SRPK2: variants seen among roughly 807,000 people sequenced by gnomAD.
SRPK2 encodes the protein SFRS protein kinase 2.
In SRPK2, 21 loss-of-function variants were observed where a neutral mutation model predicts 90.8. That is an observed-to-expected ratio of 0.23 (90% confidence interval 0.16 to 0.33). The LOEUF is 0.33. Among genes scored for constraint, SRPK2 ranks in the 10% least tolerant of loss-of-function variants. The pLI is 1.00. For synonymous variants in SRPK2, 288 were observed against 311.1 expected (o/e 0.93, Z 0.78); for missense variants, 620 against 869.0 (o/e 0.71, Z 3.60).
At chr7:105,382,577 A>G (rs1202785011) in intron 2 of SRPK2, among the ~76,000 whole-genome samples, 1 of 148,764 alleles carries the variant, frequency 6.7e-6, no homozygotes, top group African/African-American at 2.5e-5. Context: ...AAAAAAAAAA[A>G]AGGAATGCTC....
intron 3 of SRPK2, among the ~76,000 whole-genome samples, chr7:105,181,417 C>A (rs117759171): frequency 9.4e-4 from 143 of 152,252 alleles, no homozygotes; most frequent in Non-Finnish European, 1.3e-3. Context: ...CACGCACGCA[C>A]GTGTATGTTC....
At chr7:105,278,915 C>A (rs1448610613) in intron 2 of SRPK2, among the ~76,000 whole-genome samples, 1 of 152,118 alleles carries the variant, frequency 6.6e-6, no homozygotes, top group Middle Eastern at 3.2e-3. Context: ...TATGGAAATG[C>A]ACACCAAAAA....
chr7:105,331,869 C>T (rs551772199), intron 2 of SRPK2, among the ~76,000 whole-genome samples: 3 of 152,228 alleles, frequency 2.0e-5, no homozygotes, highest in East Asian at 1.9e-4. Context: ...AGGAAGAACT[C>T]GCACCTTGGC....
chr7:105,384,802 G>C (rs1228505866), intron 2 of SRPK2, among the ~76,000 whole-genome samples: 3 of 151,958 alleles, frequency 2.0e-5, no homozygotes, highest in African/African-American at 7.2e-5. Flanking sequence ...AACGTCACCC[G>C]GTTTCCCATG....
chr7:105,153,917 A>G (rs1436810769), intron 7 of SRPK2, among the ~76,000 whole-genome samples: 1 of 152,202 alleles, frequency 6.6e-6, no homozygotes, highest in African/African-American at 2.4e-5. Context: ...GGAAACACTG[A>G]GGGTTCCACT....
chr7:105,179,306 T>C lies in SRPK2; in HGVS notation c.230-10041A>G, dbSNP rs189189353. ...TTGCCCCAGCTACCTCACTCAAAAC[T>C]ATACCTGGGTATATATTATGTGCCA... On this transcript the variant is annotated intron_variant, in intron 3 of 15. Transcript: ENST00000393651. 3.9e-5 allele frequency among the ~76,000 whole-genome samples: 6 copies of C among 152,334 alleles called. No homozygotes were observed. In the East Asian group the frequency reaches 1.2e-3, roughly 29 times the overall value.
intron 2 of SRPK2, among the ~76,000 whole-genome samples, chr7:105,382,034 G>A (rs1361947856): frequency 6.6e-6 from 1 of 152,082 alleles, no homozygotes; most frequent in Non-Finnish European, 1.5e-5. Context: ...CAGGCGTGGT[G>A]GCACATGCCT....
At chr7:105,344,914 T>C (rs565876891) in intron 2 of SRPK2, among the ~76,000 whole-genome samples, 1 of 149,820 alleles carries the variant, frequency 6.7e-6, no homozygotes, top group African/African-American at 2.5e-5. Context: ...AGTGGGTGGA[T>C]CACCAGAGGT....
At chr7:105,263,639 A>T (rs1804634853) in intron 2 of SRPK2, among the ~76,000 whole-genome samples, 1 of 152,176 alleles carries the variant, frequency 6.6e-6, no homozygotes, top group African/African-American at 2.4e-5. Flanking sequence ...ACCCCAAATG[A>T]ATCACAGACT....
At chr7:105,230,882 C>T (rs555911958) in intron 2 of SRPK2, among the ~76,000 whole-genome samples, 136 of 152,222 alleles carry the variant, frequency 8.9e-4, no homozygotes, top group Non-Finnish European at 1.8e-3. Flanking sequence ...TTTATGACAG[C>T]CAACATATTG....
At chr7:105,366,366 C>CCTT (rs2132352296) in intron 2 of SRPK2, among the ~76,000 whole-genome samples, 1 of 29,784 alleles carries the variant, frequency 3.4e-5, no homozygotes, top group Admixed American at 6.8e-4. Context: ...TACAGGTATG[C>CCTT]CTTTTTTTTT....
chr7:105,376,053 T>C (rs1820253907), intron 2 of SRPK2, among the ~76,000 whole-genome samples: 1 of 141,708 alleles, frequency 7.1e-6, no homozygotes, highest in African/African-American at 2.6e-5. Flanking sequence ...GAGTGCAGTG[T>C]CGTGATCTCA....
chr7:105,193,071 T>G (rs980020706), intron 3 of SRPK2, among the ~76,000 whole-genome samples: 1 of 152,244 alleles, frequency 6.6e-6, no homozygotes, highest in East Asian at 1.9e-4. Flanking sequence ...AACTTTGTTT[T>G]GATCACATTT....
intron 2 of SRPK2, among the ~76,000 whole-genome samples, chr7:105,299,051 T>C (rs1810206112): frequency 6.6e-6 from 1 of 152,224 alleles, no homozygotes; most frequent in Non-Finnish European, 1.5e-5. Context: ...AGATCTGCCA[T>C]GTCTCCAGAA....
chr7:105,315,715 A>G (rs1204980103), intron 2 of SRPK2, among the ~76,000 whole-genome samples: 1 of 152,234 alleles, frequency 6.6e-6, no homozygotes, highest in East Asian at 1.9e-4. Context: ...ATATCAAGCT[A>G]AATATTACAC....
At chr7:105,398,528 C>A (rs1301221360) in intron 1 of SRPK2, among the ~76,000 whole-genome samples, 1 of 152,096 alleles carries the variant, frequency 6.6e-6, no homozygotes, top group Non-Finnish European at 1.5e-5. Context: ...GGATTACAGG[C>A]ATATGCCACC....
At chr7:105,318,245 C>T (rs1188932698) in intron 2 of SRPK2, among the ~76,000 whole-genome samples, 3 of 152,094 alleles carry the variant, frequency 2.0e-5, no homozygotes, top group African/African-American at 7.2e-5. Context: ...CAGGCGCACG[C>T]CAGGTCGCCC....
At chr7:105,315,881 T>A (rs1812252922) in intron 2 of SRPK2, among the ~76,000 whole-genome samples, 1 of 152,160 alleles carries the variant, frequency 6.6e-6, no homozygotes, top group Non-Finnish European at 1.5e-5. Context: ...TATGATGGTT[T>A]TCCTCCTAAC....
intron 15 of SRPK2, among the ~76,000 whole-genome samples, chr7:105,126,031 G>C (rs539469268): frequency 5.3e-5 from 8 of 152,334 alleles, no homozygotes; most frequent in African/African-American, 1.7e-4. Context: ...TCAGGATCCA[G>C]AGCTGGAGGG....
Sources: allele counts gnomAD v4.1 joint callset (sites outside exome capture counted in the v4.1 genomes callset), GRCh38; gene constraint gnomAD v4.1.1; transcripts MANE v1.5; gene names NCBI Gene and HGNC (gene_info 2026-07-23, HGNC 2026-07-21).